Variants in ANKRD45 observed in about 807,000 individuals in gnomAD.
The protein encoded by ANKRD45 is ankyrin repeat domain 45, also known as ankyrin repeat domain-containing protein 45.
Under a neutral mutation model 28.1 loss-of-function variants are expected in ANKRD45, and 21 were observed. The ratio of observed to expected loss-of-function variants is 0.75; its 90% CI spans 0.53 to 1.08. The LOEUF (loss-of-function observed/expected upper bound fraction) is 1.08, where lower values mean the gene tolerates loss of function less well. Ranked by LOEUF, ANKRD45 falls within the 50% of genes least tolerant of loss-of-function variation. The pLI is 0.00. For missense variants in ANKRD45, 261 were observed against 308.7 expected (o/e 0.85, Z 1.16); for synonymous variants, 86 against 103.9 (o/e 0.83, Z 1.05).
rs1669682993 is a variant in ANKRD45, at chr1:173,659,336, T to C, written c.83A>G (p.Gln28Arg). ...QEEENEEEEA[Q>R]EPEETGPKNP... ...CTTAGGGCCTGTTTCCTCTGGTTCTTGGGCTTCTTCTTCTTCATTTTCCTC... is the reference window on the plus strand; with the variant it reads ...CTTAGGGCCTGTTTCCTCTGGTTCTCGGGCTTCTTCTTCTTCATTTTCCTC... Residue 28 changes from glutamine (Q) to arginine (R), a missense_variant, in exon 2 of 6, where the codon CAA becomes CGA. Coordinates refer to ENST00000333279, the MANE Select transcript of ANKRD45 (RefSeq NM_198493.3). 1 of 1,613,184 alleles carries C rather than the reference T, an allele frequency of 6.2e-7. No homozygotes were observed. The highest frequency in any genetic ancestry group is 8.5e-7 in the Non-Finnish European group (1 of 1,179,678).
At chr1:173,658,950 A>G in intron 2 of ANKRD45, 141 bp downstream of exon 2, 2 of 1,208,148 alleles carry the variant, frequency 1.7e-6, no homozygotes, top group Non-Finnish European at 2.2e-6. Flanking sequence ...ATGTATACAC[A>G]TACATACACC....
At chr1:173,669,010 A>G (rs1267676561) in intron 1 of ANKRD45, among the ~76,000 whole-genome samples, 1 of 152,236 alleles carries the variant, frequency 6.6e-6, no homozygotes, top group Non-Finnish European at 1.5e-5. Context: ...CTTTTTAACT[A>G]TAGAATGTGA....
chr1:173,660,349 A>C (rs1669724541), intron 1 of ANKRD45, among the ~76,000 whole-genome samples: 2 of 152,214 alleles, frequency 1.3e-5, no homozygotes, highest in African/African-American at 4.8e-5. Flanking sequence ...CCAGAAGGGA[A>C]AACCAATGTC....
the ANKRD45 span, among the ~76,000 whole-genome samples, chr1:173,680,409 A>G: frequency 1.3e-5 from 2 of 152,120 alleles, no homozygotes; most frequent in Admixed American, 1.3e-4. Context: ...TGAAGCTGGA[A>G]ACCATCATTC....
chr1:173,705,707 A>T, the ANKRD45 span, among the ~76,000 whole-genome samples: 1 of 152,040 alleles, frequency 6.6e-6, no homozygotes, highest in African/African-American at 2.4e-5. Flanking sequence ...TGCTTAAGTG[A>T]ATTTTTTAAT....
At position 173,627,858 on chromosome 1, in the gene ANKRD45, A is replaced by G. The variant is rs1397489268; in HGVS notation, c.497-699T>C. 2.0e-5 allele frequency among the ~76,000 whole-genome samples: 3 copies of G among 151,780 alleles called. No homozygotes were observed. In the East Asian group the frequency reaches 5.9e-4, roughly 30 times the overall value. ...AGGCAACACAGCTTACAGCTCTGGGAGAGACTCCTTTCTTCTGCTTGAGGA... is the reference window on the plus strand; with the variant it reads ...AGGCAACACAGCTTACAGCTCTGGGGGAGACTCCTTTCTTCTGCTTGAGGA... On this transcript the variant is annotated intron_variant, in intron 3 of 5. Coordinates refer to ENST00000333279, the MANE Select transcript of ANKRD45 (RefSeq NM_198493.3).
chr1:173,649,027 C>T (rs1374557253), intron 2 of ANKRD45, among the ~76,000 whole-genome samples: 23 of 152,100 alleles, frequency 1.5e-4, no homozygotes, highest in Admixed American at 1.5e-3. Context: ...TGATTTTTGT[C>T]TCAATATTTT....
intron 3 of ANKRD45, among the ~76,000 whole-genome samples, chr1:173,634,482 C>T (rs1425712631): frequency 6.6e-6 from 1 of 151,916 alleles, no homozygotes; most frequent in Non-Finnish European, 1.5e-5. Context: ...TGAATGCTTA[C>T]ACAAAATGTC....
At chr1:173,666,311 C>T (rs753383330) in intron 1 of ANKRD45, among the ~76,000 whole-genome samples, 6 of 152,164 alleles carry the variant, frequency 3.9e-5, no homozygotes, top group Non-Finnish European at 7.3e-5. Context: ...TGACATTTCT[C>T]AGCCTCCATA....
intron 4 of ANKRD45, 123 bp from the exon 5 acceptor site, chr1:173,625,048 T>C: frequency 2.9e-6 from 3 of 1,023,130 alleles, no homozygotes; most frequent in East Asian, 2.5e-5. Flanking sequence ...TGTACCTGCA[T>C]TGTCCAATAC....
intron 3 of ANKRD45, among the ~76,000 whole-genome samples, chr1:173,632,290 A>G (rs1668230298): frequency 6.6e-6 from 1 of 152,044 alleles, no homozygotes; most frequent in African/African-American, 2.4e-5. Context: ...TAAACCATGA[A>G]GAAATCCAAA....
At chr1:173,618,429 A>G (rs1053215704) in intron 5 of ANKRD45, among the ~76,000 whole-genome samples, 2 of 152,216 alleles carry the variant, frequency 1.3e-5, no homozygotes, top group Non-Finnish European at 2.9e-5. Flanking sequence ...CAGAATAGCC[A>G]GTTTAGAGGG....
the ANKRD45 span, among the ~76,000 whole-genome samples, chr1:173,714,489 G>A: frequency 1.3e-5 from 2 of 152,118 alleles, no homozygotes; most frequent in Non-Finnish European, 2.9e-5. Flanking sequence ...GTTTGACCGT[G>A]GGAAATCTGG....
At chr1:173,639,966 C>G (rs1489088509) in intron 3 of ANKRD45, among the ~76,000 whole-genome samples, 28 of 152,042 alleles carry the variant, frequency 1.8e-4, no homozygotes, top group Non-Finnish European at 2.9e-5. Flanking sequence ...AGTATCATAC[C>G]CCTTGGCATC....
At chr1:173,684,112 G>A in the ANKRD45 span, among the ~76,000 whole-genome samples, 2 of 151,966 alleles carry the variant, frequency 1.3e-5, no homozygotes, top group South Asian at 2.1e-4. Flanking sequence ...GCAGCTGATC[G>A]GAATGAGTTA....
chr1:173,711,395 G>A, the ANKRD45 span, among the ~76,000 whole-genome samples: 5 of 152,226 alleles, frequency 3.3e-5, no homozygotes, highest in Non-Finnish European at 5.9e-5. Flanking sequence ...CTTTGGTTCC[G>A]TTTGGAAAGG....
intron 5 of ANKRD45, among the ~76,000 whole-genome samples, chr1:173,617,937 G>T (rs974324221): frequency 2.0e-5 from 3 of 152,188 alleles, no homozygotes; most frequent in African/African-American, 4.8e-5. Context: ...GCAGGTTGTT[G>T]TCCTTGCTGT....
intron 1 of ANKRD45, chr1:173,669,385 T>C (rs1670163093): frequency 4.6e-6 from 2 of 438,284 alleles, no homozygotes; most frequent in South Asian, 3.2e-5. Flanking sequence ...TTAAGCCAAC[T>C]GATTTTTTTC....
At chr1:173,620,926 A>G (rs1667673920) in intron 5 of ANKRD45, among the ~76,000 whole-genome samples, 1 of 152,214 alleles carries the variant, frequency 6.6e-6, no homozygotes, top group Admixed American at 6.5e-5. Context: ...AAATTAATAA[A>G]TAAGAAAAGC....
Sources: gnomAD v4.1 joint callset for allele counts (sites outside exome capture counted in the v4.1 genomes callset) on GRCh38, gnomAD v4.1.1 for gene constraint, MANE v1.5 for transcripts, NCBI Gene and HGNC (gene_info 2026-07-23, HGNC 2026-07-21) for gene names.